The following THBS4 variants were observed in gnomAD, a reference collection of about 807,000 sequenced individuals.
The protein encoded by THBS4 is thrombospondin-4.
Under a neutral mutation model 115.7 loss-of-function variants are expected in THBS4, and 90 were observed. The ratio of observed to expected loss-of-function variants is 0.78; its 90% confidence interval spans 0.66 to 0.93. The LOEUF (loss-of-function observed/expected upper bound fraction) is 0.93, where lower values mean the gene tolerates loss of function less well. Among genes scored for constraint, THBS4 ranks in the 40% least tolerant of loss-of-function variants. The probability of loss-of-function intolerance (pLI) is 0.00; values close to 1 mark genes in which losing one functional copy is unlikely to be tolerated. For synonymous variants in THBS4, 460 were observed against 479.3 expected (o/e 0.96, Z 0.53); for missense variants, 1,087 against 1,232.7 (o/e 0.88, Z 1.77).
At chr5:79,993,586 C>G (rs1271330009) in intron 1 of THBS4, among the ~76,000 whole-genome samples, 1 of 152,086 alleles carries the variant, frequency 6.6e-6, no homozygotes, top group Non-Finnish European at 1.5e-5. Context: ...AATGAGTATC[C>G]CAGACAGTGT....
chr5:80,019,241 T>C lies in THBS4; in HGVS notation n.177+20814T>C, dbSNP rs75067915. Among the ~76,000 whole-genome samples, 806 of 152,214 alleles carry C rather than the reference T, an allele frequency of 5.3e-3. 9 individuals carry two copies. The highest frequency in any genetic ancestry group is 0.018 in the African/African-American group (768 of 41,528). On this transcript the variant is annotated intron_variant and non_coding_transcript_variant, in intron 2 of 3. Transcript: ENST00000510218. ...GACTATAGGACAGAATCTAGGACAT[T>C]CTATAGAGCCTGGATTCTTCAAAAA... is the stretch of plus-strand genomic sequence containing the variant.
intron 2 of THBS4, among the ~76,000 whole-genome samples, chr5:80,017,047 A>T (rs1832265770): frequency 6.6e-6 from 1 of 152,248 alleles, no homozygotes; most frequent in African/African-American, 2.4e-5. Flanking sequence ...AATCAGGATC[A>T]AGAAAAATAA....
Position 80,072,681 on chromosome 5 carries a change from C to T in THBS4, c.1839+285C>T, listed in dbSNP as rs191195685. The T allele has an allele frequency of 1.0e-5, 4 of 388,290 alleles. No individual in the cohort carries two copies. In the East Asian group the frequency reaches 1.3e-4, roughly 12 times the overall value. 24.1% of individuals were successfully genotyped at this position (388,290 alleles called of 1,614,324 possible). On this transcript the variant is annotated intron_variant, in intron 14 of 21. Transcript: ENST00000350881. ...AGTATTTTTCCTGCAGAAAGGAAAA[C>T]GGAGCATGGAAATTAACCATTGGGA... is the stretch of plus-strand genomic sequence containing the variant.
intron 20 of THBS4, among the ~76,000 whole-genome samples, chr5:80,080,578 T>C (rs1051956979): frequency 1.5e-5 from 2 of 137,428 alleles, no homozygotes; most frequent in African/African-American, 5.5e-5. Context: ...AGCGCTTGTA[T>C]CTTTTTTTTT....
chr5:80,026,965 T>C (rs971094312), intron 2 of THBS4, among the ~76,000 whole-genome samples: 49 of 152,216 alleles, frequency 3.2e-4, no homozygotes, highest in Admixed American at 2.9e-3. Flanking sequence ...TTTATTGCAC[T>C]ATAAACCTCA....
chr5:80,013,196 A>G (rs886678612), intron 2 of THBS4, among the ~76,000 whole-genome samples: 2 of 151,906 alleles, frequency 1.3e-5, no homozygotes, highest in Non-Finnish European at 2.9e-5. Context: ...CTGGAGTGCA[A>G]TGGCGCAATC....
intron 14 of THBS4, 195 bp downstream of exon 14, chr5:80,072,591 G>A (rs538915093): frequency 3.0e-5 from 18 of 596,646 alleles, no homozygotes; most frequent in African/African-American, 2.9e-4. Context: ...AAGCCCTAGG[G>A]ACTATCTCCC....
chr5:80,035,294 G>A (rs890297481), upstream of THBS4: 8 of 147,508 alleles, frequency 5.4e-5, no homozygotes, highest in Admixed American at 4.7e-4. The surrounding 1 kb of genome is among the most constrained non-coding windows in gnomAD (Gnocchi z 4.6). Context: ...CCCCCGCCCC[G>A]GCCCTCCCCC....
Position 80,070,936 on chromosome 5 carries a change from G to A in THBS4, c.1561-85G>A, listed in dbSNP as rs60880467. The A allele has an allele frequency of 1.1e-4, 177 of 1,592,040 alleles. No individual in the cohort carries two copies. In the African/African-American group the frequency reaches 2.2e-3, roughly 20 times the overall value. On this transcript the variant is annotated intron_variant, in intron 12 of 21. Coordinates refer to ENST00000350881, the MANE Select transcript of THBS4 (RefSeq NM_003248.6). ...TGAAATATAAAACTGACAAACTTGG[G>A]CCACCAGAGTGCTGATGCTTCACAA...
chr5:79,997,400 G>T (rs900341804), intron 1 of THBS4, among the ~76,000 whole-genome samples: 2 of 152,096 alleles, frequency 1.3e-5, no homozygotes, highest in African/African-American at 2.4e-5. Flanking sequence ...GTGTGTGTGT[G>T]TGTGTATATA....
intron 2 of THBS4, among the ~76,000 whole-genome samples, chr5:80,047,733 A>G (rs955110939): frequency 2.0e-5 from 3 of 151,300 alleles, no homozygotes; most frequent in Non-Finnish European, 4.4e-5. Flanking sequence ...TCCCAGGTTC[A>G]AGCGATTCTC....
intron 4 of THBS4, 117 bp downstream of exon 4, chr5:80,058,431 A>G: frequency 2.8e-6 from 2 of 715,620 alleles, no homozygotes; most frequent in Non-Finnish European, 4.6e-6. Context: ...AACAAAACGT[A>G]TCTATGAAAA....
intron 2 of THBS4, among the ~76,000 whole-genome samples, chr5:80,019,075 T>C (rs1245460359): frequency 1.3e-5 from 2 of 151,974 alleles, no homozygotes; most frequent in Non-Finnish European, 2.9e-5. Flanking sequence ...GCTTTCCACT[T>C]CCACTGCATT....
intron 7 of THBS4, 125 bp downstream of exon 7, chr5:80,060,030 C>T: frequency 1.1e-6 from 1 of 890,906 alleles, no homozygotes; most frequent in Non-Finnish European, 1.7e-6. Flanking sequence ...CCATTGAAAC[C>T]ACTTGCTTGG....
chr5:80,055,522 A>G (rs2112083532), intron 2 of THBS4, among the ~76,000 whole-genome samples: 1 of 152,190 alleles, frequency 6.6e-6, no homozygotes, highest in East Asian at 1.9e-4. Context: ...TTATTTTCAA[A>G]TTTGCCACAT....
intron 13 of THBS4, 136 bp downstream of exon 13, chr5:80,071,316 G>A (rs1834043237): frequency 1.4e-6 from 2 of 1,432,646 alleles, no homozygotes; most frequent in Admixed American, 2.7e-5. Flanking sequence ...GCATCTGGAA[G>A]ACCCAAGGTG....
rs1833639582 is a variant in THBS4, at chr5:80,061,673, CTT to C, written c.988-20_988-19del. ...AGTGTTTTCTCGGTGTGGCTAAAGA[CTT>C]TGAACTTTTTTGTCTCCAGTGCAAA... On this transcript the variant is annotated intron_variant, in intron 7 of 21. Coordinates refer to ENST00000350881, the MANE Select transcript of THBS4 (RefSeq NM_003248.6). The C allele has an allele frequency of 2.5e-6, 4 of 1,595,004 alleles. No homozygotes were observed. The highest frequency in any genetic ancestry group is 2.2e-5 in the East Asian group (1 of 44,522).
At chr5:80,079,359 A>T in intron 19 of THBS4, 101 bp downstream of exon 19, 1 of 1,295,186 alleles carries the variant, frequency 7.7e-7, no homozygotes, top group South Asian at 1.6e-5. Context: ...ATCTAAAAAA[A>T]ATTGATGCAT....
intron 2 of THBS4, among the ~76,000 whole-genome samples, chr5:80,005,345 G>A (rs1450992446): frequency 6.6e-6 from 1 of 152,166 alleles, no homozygotes; most frequent in Non-Finnish European, 1.5e-5. Context: ...TTATTTCCGT[G>A]TGTAATACAA....
Sources: gnomAD v4.1 joint callset for allele counts (sites outside exome capture counted in the v4.1 genomes callset) on GRCh38, gnomAD v4.1.1 for gene constraint, Gnocchi (gnomAD v3.1) non-coding constraint, MANE v1.5 for transcripts, NCBI Gene and HGNC (gene_info 2026-07-23, HGNC 2026-07-21) for gene names.